Variants in AUTS2 observed in about 807,000 individuals in gnomAD.
AUTS2 encodes the protein autism susceptibility gene 2 protein.
Under a neutral mutation model 112.4 loss-of-function variants are expected in AUTS2, and 17 were observed. The ratio of observed to expected loss-of-function variants is 0.15; its 90% CI spans 0.10 to 0.23. The LOEUF (loss-of-function observed/expected upper bound fraction) is 0.23, where lower values mean the gene tolerates loss of function less well. Among genes scored for constraint, AUTS2 ranks in the 10% least tolerant of loss-of-function variants. The probability of loss-of-function intolerance (pLI) is 1.00; values close to 1 mark genes in which losing one functional copy is unlikely to be tolerated. For synonymous variants in AUTS2, 751 were observed against 702.7 expected, an observed-to-expected ratio of 1.07 and a Z score of -1.09; for missense variants, 1,510 against 1,701.6, an observed-to-expected ratio of 0.89 and a Z score of 1.98.
chr7:69,916,627 C>T (rs1166773895), intron 2 of AUTS2, among the ~76,000 whole-genome samples: 2 of 152,116 alleles, frequency 1.3e-5, no homozygotes, highest in African/African-American at 2.4e-5. Flanking sequence ...ACTGTGTGCA[C>T]CATCTGCTAA....
chr7:70,609,971 G>GTTGTTT (rs1803997846), intron 5 of AUTS2, among the ~76,000 whole-genome samples: 2 of 146,402 alleles, frequency 1.4e-5, no homozygotes, highest in Non-Finnish European at 3.0e-5. Flanking sequence ...TGTTGTTGTT[G>GTTGTTT]TTGTTGTTGT....
chr7:69,684,787 G>T (rs1796988498), intron 1 of AUTS2, among the ~76,000 whole-genome samples: 1 of 152,212 alleles, frequency 6.6e-6, no homozygotes, highest in Non-Finnish European at 1.5e-5. Flanking sequence ...ATGTTAGTGT[G>T]TCTGAGCCTC....
At chr7:69,691,759 C>G (rs1797356840) in intron 1 of AUTS2, among the ~76,000 whole-genome samples, 1 of 152,150 alleles carries the variant, frequency 6.6e-6, no homozygotes, top group African/African-American at 2.4e-5. Context: ...GGGCTCCTGT[C>G]TTTTCCTGGC....
intron 1 of AUTS2, among the ~76,000 whole-genome samples, chr7:69,799,405 C>T (rs1789983859): frequency 6.6e-6 from 1 of 152,146 alleles, no homozygotes; most frequent in South Asian, 2.1e-4. Flanking sequence ...GGACCACAGT[C>T]ACAATGCCCA....
In AUTS2 at chr7:70,295,657, C is replaced by T. The variant is rs77240600; in HGVS notation, c.661-140095C>T. ...TACTCCAACTCAACTGCTCCCACCT[C>T]AGGGTCTTTCACTACCCATTCATAG... On this transcript the variant is annotated intron_variant, in intron 4 of 18. Transcript: ENST00000342771. Among the ~76,000 whole-genome samples, 417 of 152,270 alleles carry T rather than the reference C, an allele frequency of 2.7e-3. 1 individual carries two copies. The highest frequency in any genetic ancestry group is 9.2e-3 in the African/African-American group (383 of 41,544).
rs116930554 is a variant in AUTS2 at position 70,062,213 on chromosome 7, A to G, written c.523-55919A>G. The stretch of plus-strand genomic sequence containing the variant: ...TCATTACTGATGTACCTTCTATAGA[A>G]ATAAGACACATATTTGGCAGGGCAC... On this transcript the variant is annotated intron_variant, in intron 2 of 18. Transcript: ENST00000342771. Among the ~76,000 whole-genome samples the G allele has an allele frequency of 7.3e-3, 1,109 of 152,154 alleles. 11 individuals are homozygous for G. The highest frequency in any genetic ancestry group is 0.051 in the East Asian group (263 of 5,150).
chr7:70,160,678 C>G (rs954438376), intron 4 of AUTS2, among the ~76,000 whole-genome samples: 1 of 152,200 alleles, frequency 6.6e-6, no homozygotes, highest in African/African-American at 2.4e-5. Flanking sequence ...GTGTCAGACA[C>G]TGTGCTTCCA....
intron 6 of AUTS2, among the ~76,000 whole-genome samples, chr7:70,741,275 A>C: frequency 6.6e-6 from 1 of 152,094 alleles, no homozygotes; most frequent in East Asian, 1.9e-4. Context: ...ACAGTGGTAC[A>C]AATGAAGCCA....
At chr7:70,719,371 G>A (rs1471226044) in intron 6 of AUTS2, among the ~76,000 whole-genome samples, 2 of 152,170 alleles carry the variant, frequency 1.3e-5, no homozygotes, top group Admixed American at 1.3e-4. Context: ...AATAACAGGA[G>A]TGAAGTACTT....
At chr7:70,789,649 C>A in intron 18 of AUTS2, 99 bp from the exon 19 acceptor site, 1 of 1,412,368 alleles carries the variant, frequency 7.1e-7, no homozygotes, top group Non-Finnish European at 9.7e-7. Context: ...CAGCCCCCAG[C>A]CTGTCCTCTT....
chr7:70,473,529 T>G (rs1418376721), intron 5 of AUTS2, among the ~76,000 whole-genome samples: 1 of 152,184 alleles, frequency 6.6e-6, no homozygotes, highest in East Asian at 1.9e-4. Flanking sequence ...TTGATTTTAA[T>G]GAAATGGCAT....
intron 6 of AUTS2, among the ~76,000 whole-genome samples, chr7:70,715,730 C>T (rs1204608947): frequency 6.6e-6 from 1 of 152,072 alleles, no homozygotes; most frequent in Non-Finnish European, 1.5e-5. Context: ...TGAGGTTTCA[C>T]CATGTTAGCC....
intron 5 of AUTS2, among the ~76,000 whole-genome samples, chr7:70,554,069 C>CTTT: frequency 1.0e-5 from 1 of 98,158 alleles, no homozygotes; most frequent in Non-Finnish European, 2.1e-5. Context: ...TGCACCTGGC[C>CTTT]TTTTTTTTTT....
chr7:70,552,203 T>A (rs1365012013), intron 5 of AUTS2, among the ~76,000 whole-genome samples: 4 of 152,280 alleles, frequency 2.6e-5, no homozygotes, highest in Middle Eastern at 3.4e-3. Flanking sequence ...TTATACGCAG[T>A]TCCACTAGAG....
At chr7:70,577,287 C>T (rs6957405) in intron 5 of AUTS2, among the ~76,000 whole-genome samples, 2 of 152,238 alleles carry the variant, frequency 1.3e-5, no homozygotes, top group African/African-American at 4.8e-5. Context: ...GAGCCAGCTT[C>T]CTGGCCCATC....
rs777247623 is a variant in AUTS2, at chr7:69,980,687, C to T, written c.522+81189C>T. On this transcript the variant is annotated intron_variant, in intron 2 of 18. Coordinates refer to ENST00000342771, the MANE Select transcript of AUTS2 (RefSeq NM_015570.4). Reference sequence around the variant, plus strand: ...TCACCAGTCCTTTCATGTAGAGCAGCGGTTTGCATCTTTGGCTATACATTG... The same window carrying T: ...TCACCAGTCCTTTCATGTAGAGCAGTGGTTTGCATCTTTGGCTATACATTG... Among the ~76,000 whole-genome samples, 4 of 152,020 alleles carry T rather than the reference C, an allele frequency of 2.6e-5. No individual in the cohort carries two copies. In the East Asian group the frequency reaches 5.8e-4, roughly 22 times the overall value.
intron 4 of AUTS2, among the ~76,000 whole-genome samples, chr7:70,191,772 C>CA (rs1489542926): frequency 6.6e-6 from 1 of 151,598 alleles, no homozygotes; most frequent in Non-Finnish European, 1.5e-5. Flanking sequence ...TAAGAAAAGA[C>CA]AAAAAAGGCC....
chr7:70,301,602 G>A (rs1466094955), intron 4 of AUTS2, among the ~76,000 whole-genome samples: 4 of 151,920 alleles, frequency 2.6e-5, no homozygotes, highest in South Asian at 2.1e-4. Context: ...CCTTCCTTCC[G>A]TCCTCACCAC....
At chr7:70,397,162 C>G (rs1794124274) in intron 4 of AUTS2, among the ~76,000 whole-genome samples, 1 of 151,770 alleles carries the variant, frequency 6.6e-6, no homozygotes, top group South Asian at 2.1e-4. Flanking sequence ...CTCCCAGGTT[C>G]AAGCGATTCT....
Sources: gnomAD v4.1 joint callset for allele counts (sites outside exome capture counted in the v4.1 genomes callset) on GRCh38, gnomAD v4.1.1 for gene constraint, MANE v1.5 for transcripts, NCBI Gene and HGNC (gene_info 2026-07-23, HGNC 2026-07-21) for gene names.